ENTREP1: variants seen among roughly 807,000 people sequenced by gnomAD.
ENTREP1 encodes endosomal transmembrane epsin interactor 1.
the ENTREP1 span, chr9:69,371,607 C>T: frequency 6.2e-7 from 1 of 1,602,454 alleles, no homozygotes. Context: ...CAGGTGTGAT[C>T]TGGTAAGCAG....
At chr9:69,382,273 A>C in the ENTREP1 span, 1 of 152,256 alleles carries the variant, frequency 6.6e-6, no homozygotes, top group Non-Finnish European at 1.5e-5. Flanking sequence ...AGAGTCACTC[A>C]GCATTTATAG....
At chr9:69,356,323 C>A in the ENTREP1 span, among the ~76,000 whole-genome samples, 257 of 152,318 alleles carry the variant, frequency 1.7e-3, no homozygotes, top group African/African-American at 5.7e-3. Context: ...GAACTTTATT[C>A]CTTTTCATGG....
At chr9:69,389,460 G>A in the ENTREP1 span, among the ~76,000 whole-genome samples, 5 of 152,204 alleles carry the variant, frequency 3.3e-5, no homozygotes. Flanking sequence ...ATTCAGCGGG[G>A]AGGAATGATC....
chr9:69,361,103 TC>T, the ENTREP1 span, among the ~76,000 whole-genome samples: 2 of 151,226 alleles, frequency 1.3e-5, no homozygotes, highest in Non-Finnish European at 2.9e-5. Context: ...GAAAAAGGAA[TC>T]AGGAGTTCTA....
chr9:69,332,274 A>C, the ENTREP1 span, among the ~76,000 whole-genome samples: 1 of 152,230 alleles, frequency 6.6e-6, no homozygotes, highest in Non-Finnish European at 1.5e-5. Context: ...TGCGGGGTTC[A>C]GGAATGAAGA....
chr9:69,377,687 T>C, the ENTREP1 span: 1 of 1,614,148 alleles, frequency 6.2e-7, no homozygotes, highest in Non-Finnish European at 8.5e-7. Context: ...GTGCCGCCTG[T>C]GCCTCCCCCT....
chr9:69,364,915 G>A, the ENTREP1 span, among the ~76,000 whole-genome samples: 19 of 152,230 alleles, frequency 1.2e-4, no homozygotes, highest in East Asian at 2.5e-3. Context: ...ACTTTGACTT[G>A]TACTTGGCAG....
chr9:69,345,728 G>C, the ENTREP1 span, among the ~76,000 whole-genome samples: 95 of 152,232 alleles, frequency 6.2e-4, no homozygotes, highest in Admixed American at 2.3e-3. Flanking sequence ...TCAGCCTCCT[G>C]AGTAGCTGGG....
the ENTREP1 span, among the ~76,000 whole-genome samples, chr9:69,368,756 G>T: frequency 6.6e-6 from 1 of 152,070 alleles, no homozygotes. Context: ...GTAGAATTTG[G>T]CAGTGGCTTC....
the ENTREP1 span, among the ~76,000 whole-genome samples, chr9:69,358,902 C>CTTTTTTTT: frequency 2.1e-5 from 2 of 96,328 alleles, no homozygotes; most frequent in African/African-American, 4.1e-5. Context: ...CTTTTTCTTT[C>CTTTTTTTT]TTTTTTTTTT....
the ENTREP1 span, among the ~76,000 whole-genome samples, chr9:69,332,367 G>C: frequency 5.3e-5 from 8 of 152,200 alleles, no homozygotes; most frequent in Non-Finnish European, 1.2e-4. Flanking sequence ...GAATCCTGGT[G>C]GGATTTAACT....
the ENTREP1 span, among the ~76,000 whole-genome samples, chr9:69,368,512 G>A: frequency 2.0e-5 from 3 of 152,102 alleles, no homozygotes; most frequent in East Asian, 1.9e-4. Flanking sequence ...CCACTTGATC[G>A]TGATGTATAT....
chr9:69,346,442 T>C, the ENTREP1 span, among the ~76,000 whole-genome samples: 1 of 152,324 alleles, frequency 6.6e-6, no homozygotes. Flanking sequence ...TTTATTGTTG[T>C]AGATAATATT....
the ENTREP1 span, among the ~76,000 whole-genome samples, chr9:69,356,555 G>A: frequency 6.6e-6 from 1 of 152,164 alleles, no homozygotes; most frequent in Non-Finnish European, 1.5e-5. Context: ...GAAGGGGCCA[G>A]AAGTAGAGAA....
the ENTREP1 span, chr9:69,383,419 C>A: frequency 7.1e-7 from 1 of 1,401,214 alleles, no homozygotes; most frequent in South Asian, 1.6e-5. Context: ...GATGGGGTTG[C>A]ATTTTATACA....
the ENTREP1 span, among the ~76,000 whole-genome samples, chr9:69,360,906 A>G: frequency 2.6e-5 from 4 of 152,194 alleles, no homozygotes; most frequent in African/African-American, 9.7e-5. Context: ...TGCAAAAAAA[A>G]AAAGTAAAAA....
chr9:69,390,694 C>A, the ENTREP1 span, among the ~76,000 whole-genome samples: 180 of 152,276 alleles, frequency 1.2e-3, no homozygotes, highest in African/African-American at 4.1e-3. Context: ...GGCTAAAGTG[C>A]GGTGGTGTAG....
chr9:69,339,779 T>G, the ENTREP1 span, among the ~76,000 whole-genome samples: 1 of 152,194 alleles, frequency 6.6e-6, no homozygotes, highest in Non-Finnish European at 1.5e-5. Flanking sequence ...CCTAGCTGGT[T>G]GTTTGGCTGG....
chr9:69,334,134 C>T, the ENTREP1 span, among the ~76,000 whole-genome samples: 1 of 152,186 alleles, frequency 6.6e-6, no homozygotes, highest in East Asian at 1.9e-4. Flanking sequence ...AACCCAGGAC[C>T]TCATGGATTG....
Sources: allele counts gnomAD v4.1 joint callset (sites outside exome capture counted in the v4.1 genomes callset), GRCh38; gene constraint gnomAD v4.1.1; transcripts MANE v1.5; gene names NCBI Gene and HGNC (gene_info 2026-07-23, HGNC 2026-07-21).